ANAPC10: variants seen among roughly 807,000 people sequenced by gnomAD.
ANAPC10 encodes the protein anaphase promoting complex subunit 10.
A neutral mutation model predicts 22.0 loss-of-function variants in ANAPC10; 12 were observed. The observed-to-expected ratio is 0.55, with a 90% CI of 0.35 to 0.88. ANAPC10 has a LOEUF of 0.88. ANAPC10 is among the 40% of genes least tolerant of loss of function. The probability of loss-of-function intolerance (pLI) is 0.01; values close to 1 mark genes in which losing one functional copy is unlikely to be tolerated. For missense variants in ANAPC10, 188 were observed against 220.9 expected (o/e 0.85, Z 0.94); for synonymous variants, 65 against 69.5 (o/e 0.94, Z 0.32).
chr4:145,015,421 C>A (rs1292139473), intron 4 of ANAPC10, among the ~76,000 whole-genome samples: 1 of 151,968 alleles, frequency 6.6e-6, no homozygotes, highest in Non-Finnish European at 1.5e-5. Context: ...TGAACAAAGT[C>A]TCCGAGAAGT....
chr4:145,077,207 T>A (rs1349952025), intron 3 of ANAPC10, among the ~76,000 whole-genome samples: 2 of 151,404 alleles, frequency 1.3e-5, no homozygotes, highest in African/African-American at 4.9e-5. Context: ...TCAAAAAAAA[T>A]AAATAAATAG....
chr4:145,000,150 C>G (rs1732298934), intron 4 of ANAPC10, among the ~76,000 whole-genome samples: 1 of 152,162 alleles, frequency 6.6e-6, no homozygotes, highest in Non-Finnish European at 1.5e-5. Flanking sequence ...TGGCCAAGAA[C>G]TTTATGTCTA....
intron 4 of ANAPC10, among the ~76,000 whole-genome samples, chr4:145,036,106 T>A (rs1217072573): frequency 2.6e-5 from 4 of 152,248 alleles, no homozygotes; most frequent in East Asian, 1.9e-4. Flanking sequence ...CTAAAAAAAA[T>A]TTAAGCATTA....
chr4:145,074,200 G>A lies in ANAPC10; in HGVS notation c.206+7460C>T, dbSNP rs7691274. 4.4e-3 allele frequency among the ~76,000 whole-genome samples: 664 copies of A among 151,264 alleles called. 3 individuals carry two copies. The highest frequency in any genetic ancestry group is 0.015 in the African/African-American group (611 of 41,338). On this transcript the variant is annotated intron_variant, in intron 3 of 4. Coordinates refer to ENST00000507656, the MANE Select transcript of ANAPC10 (RefSeq NM_001256706.2). ...AAAAGCTTCTCTATTTTCCATTTAA[G>A]TACAAAATTACACATTCAAAGAACA...
intron 4 of ANAPC10, among the ~76,000 whole-genome samples, chr4:145,004,928 T>C (rs1219811926): frequency 6.6e-6 from 1 of 152,142 alleles, no homozygotes; most frequent in Non-Finnish European, 1.5e-5. Context: ...AGCTCTTCCT[T>C]ACACAACCAG....
intron 3 of ANAPC10, among the ~76,000 whole-genome samples, chr4:145,074,320 G>C (rs965107530): frequency 6.6e-6 from 1 of 151,828 alleles, no homozygotes; most frequent in African/African-American, 2.4e-5. Context: ...TTTTGAGGAG[G>C]GCAGAGGGCT....
At chr4:144,996,194 C>T (rs570540414) in intron 4 of ANAPC10, among the ~76,000 whole-genome samples, 3 of 152,176 alleles carry the variant, frequency 2.0e-5, no homozygotes, top group Non-Finnish European at 4.4e-5. Context: ...CCCCACGGCT[C>T]TACACTCCGA....
chr4:145,025,908 T>C (rs1246510593), intron 4 of ANAPC10, among the ~76,000 whole-genome samples: 1 of 152,168 alleles, frequency 6.6e-6, no homozygotes, highest in Non-Finnish European at 1.5e-5. Context: ...AGGCAGTTGA[T>C]GGTTTCCTTT....
At chr4:145,029,741 T>C (rs1468813313) in intron 4 of ANAPC10, among the ~76,000 whole-genome samples, 1 of 152,100 alleles carries the variant, frequency 6.6e-6, no homozygotes, top group African/African-American at 2.4e-5. Flanking sequence ...TTGTTTAATG[T>C]AGAGGAAGGG....
intron 4 of ANAPC10, among the ~76,000 whole-genome samples, chr4:145,046,938 G>A (rs554482989): frequency 6.6e-6 from 1 of 152,162 alleles, no homozygotes; most frequent in South Asian, 2.1e-4. Flanking sequence ...GTACGAGTAA[G>A]GATAAAGCAA....
chr4:145,016,410 C>A (rs1352912110), intron 4 of ANAPC10, among the ~76,000 whole-genome samples: 18 of 152,178 alleles, frequency 1.2e-4, no homozygotes, highest in Non-Finnish European at 2.6e-4. Context: ...ATCCAACTTA[C>A]AAGGGATGTG....
chr4:145,098,500 C>T (rs1335313154), upstream of ANAPC10: 1 of 152,352 alleles, frequency 6.6e-6, no homozygotes, highest in East Asian at 1.9e-4. Flanking sequence ...TCTCCGAGAG[C>T]CTTTGGTTAG....
At chr4:145,069,515 T>C (rs1180300471) in intron 3 of ANAPC10, among the ~76,000 whole-genome samples, 1 of 152,166 alleles carries the variant, frequency 6.6e-6, no homozygotes, top group Non-Finnish European at 1.5e-5. Flanking sequence ...CACAGAGGAC[T>C]GGGAATCATT....
Position 145,064,701 on chromosome 4 carries a change from A to G in ANAPC10, c.207-9T>C. 1 of 1,495,468 alleles carries G rather than the reference A, an allele frequency of 6.7e-7. No individual in the cohort carries two copies. The highest frequency in any genetic ancestry group is 9.0e-7 in the Non-Finnish European group (1 of 1,116,156). 92.6% of individuals were successfully genotyped at this position (1,495,468 alleles called of 1,614,324 possible). A position where few individuals can be genotyped will look rare whatever the true frequency, so the allele number is the denominator to read the frequency against. On this transcript the variant is annotated splice_polypyrimidine_tract_variant and intron_variant, in intron 3 of 4. Coordinates refer to ENST00000507656, the MANE Select transcript of ANAPC10 (RefSeq NM_001256706.2). ...TCACTGTTGTTTTTCTTCTAAAAGC[A>G]ATAAAGTAAAAATAACATGCACTTC...
At chr4:145,062,859 T>G (rs1743112818) in intron 4 of ANAPC10, among the ~76,000 whole-genome samples, 1 of 152,206 alleles carries the variant, frequency 6.6e-6, no homozygotes, top group African/African-American at 2.4e-5. Context: ...TCCTGTCATT[T>G]GCAGCAGCGT....
chr4:145,081,473 AAAT>A, intron 3 of ANAPC10, 184 bp downstream of exon 3: 1 of 450,040 alleles, frequency 2.2e-6, no homozygotes, highest in Non-Finnish European at 3.9e-6. Flanking sequence ...AATTCATAAA[AAAT>A]AAGACAGAGT....
At chr4:145,067,212 T>G (rs980118093) in intron 3 of ANAPC10, among the ~76,000 whole-genome samples, 4 of 152,190 alleles carry the variant, frequency 2.6e-5, no homozygotes, top group Admixed American at 1.3e-4. Flanking sequence ...CAAATAGCAA[T>G]GCATGTCATA....
At chr4:145,010,383 T>C (rs554104028) in intron 4 of ANAPC10, among the ~76,000 whole-genome samples, 6 of 152,278 alleles carry the variant, frequency 3.9e-5, no homozygotes, top group South Asian at 2.1e-4. Context: ...CTTATGTTTA[T>C]TGTGGCACTA....
At chr4:145,014,303 T>A (rs1303801271) in intron 4 of ANAPC10, among the ~76,000 whole-genome samples, 2 of 152,062 alleles carry the variant, frequency 1.3e-5, no homozygotes, top group African/African-American at 2.4e-5. Context: ...GGGTAAGGCC[T>A]GTGATTGCTG....
Sources: allele counts gnomAD v4.1 joint callset (sites outside exome capture counted in the v4.1 genomes callset), GRCh38; gene constraint gnomAD v4.1.1; transcripts MANE v1.5; gene names NCBI Gene and HGNC (gene_info 2026-07-23, HGNC 2026-07-21).